Variants in PSTPIP2 observed in about 807,000 individuals in gnomAD.
The protein encoded by PSTPIP2 is proline-serine-threonine phosphatase-interacting protein 2.
PSTPIP2 carries 33 observed loss-of-function variants against 63.3 expected under a neutral mutation model. The ratio of observed to expected loss-of-function variants is 0.52; its 90% confidence interval spans 0.40 to 0.70. The LOEUF (loss-of-function observed/expected upper bound fraction) is 0.70, where lower values mean the gene tolerates loss of function less well. PSTPIP2 is among the 30% of genes least tolerant of loss of function. PSTPIP2 has a pLI of 0.00. For missense variants in PSTPIP2, 312 were observed against 400.7 expected (o/e 0.78, Z 1.89); for synonymous variants, 125 against 132.7 (o/e 0.94, Z 0.40).
At chr18:45,988,618 T>A in intron 14 of PSTPIP2, 84 bp downstream of exon 14, 1 of 1,185,878 alleles carries the variant, frequency 8.4e-7, no homozygotes, top group South Asian at 1.2e-5. Flanking sequence ...TTTGTGGTAG[T>A]GTTATAAATA....
intron 1 of PSTPIP2, among the ~76,000 whole-genome samples, chr18:46,049,530 C>A (rs1483374634): frequency 1.3e-5 from 2 of 151,704 alleles, no homozygotes; most frequent in African/African-American, 4.8e-5. Flanking sequence ...GAAAAAAGAG[C>A]AATAATATTT....
intron 1 of PSTPIP2, among the ~76,000 whole-genome samples, chr18:46,060,065 G>A (rs973134899): frequency 4.6e-5 from 7 of 152,026 alleles, no homozygotes; most frequent in East Asian, 1.9e-4. Context: ...ATGAGGTCTT[G>A]TTTTCCAAAT....
chr18:46,070,440 C>T (rs577061103), intron 1 of PSTPIP2, among the ~76,000 whole-genome samples: 5 of 152,358 alleles, frequency 3.3e-5, no homozygotes, highest in East Asian at 1.9e-4. Context: ...GCTTAGCGCC[C>T]GCCTGGCCTT....
At chr18:45,993,986 A>G in intron 9 of PSTPIP2, 2 of 386,424 alleles carry the variant, frequency 5.2e-6, no homozygotes, top group Non-Finnish European at 9.9e-6. Flanking sequence ...TCCTACCGAC[A>G]TTTCCAACTA....
At chr18:45,990,068 G>A (rs1001806357) in intron 13 of PSTPIP2, 1 of 152,196 alleles carries the variant, frequency 6.6e-6, no homozygotes, top group Non-Finnish European at 1.5e-5. Context: ...TAAGTGACAC[G>A]TTTCTTGACA....
intron 1 of PSTPIP2, among the ~76,000 whole-genome samples, chr18:46,058,616 C>G (rs892960617): frequency 6.6e-6 from 1 of 152,164 alleles, no homozygotes; most frequent in East Asian, 1.9e-4. Context: ...ACCTTGGCCT[C>G]CCAAAATGCT....
At chr18:45,990,153 C>T (rs2051511208) in intron 13 of PSTPIP2, among the ~76,000 whole-genome samples, 1 of 152,110 alleles carries the variant, frequency 6.6e-6, no homozygotes, top group South Asian at 2.1e-4. Flanking sequence ...TCTCACAGTC[C>T]AAGTTGAAAT....
At chr18:46,035,279 G>A (rs554526256) in intron 2 of PSTPIP2, among the ~76,000 whole-genome samples, 2 of 152,052 alleles carry the variant, frequency 1.3e-5, no homozygotes, top group East Asian at 3.9e-4. Context: ...AAATTAGCTG[G>A]GGTGGTGGTA....
At chr18:46,005,438 A>G in intron 6 of PSTPIP2, 31 bp downstream of exon 6, 1 of 1,527,598 alleles carries the variant, frequency 6.5e-7, no homozygotes, top group Non-Finnish European at 9.0e-7. Flanking sequence ...TGTCACCATT[A>G]TCCCAAAAAA....
At chr18:46,032,754 C>CAAAAA (rs762015034) in intron 2 of PSTPIP2, among the ~76,000 whole-genome samples, 36 of 50,166 alleles carry the variant, frequency 7.2e-4, no homozygotes, top group African/African-American at 1.8e-3. Context: ...AACTCTGTGT[C>CAAAAA]AAAAAAAAAA....
chr18:46,027,795 AAT>A (rs1907636979), intron 2 of PSTPIP2, among the ~76,000 whole-genome samples: 1 of 152,264 alleles, frequency 6.6e-6, no homozygotes, highest in Admixed American at 6.5e-5. Flanking sequence ...AAATTGAAAT[AAT>A]AGTCTCTTTA....
chr18:46,059,073 G>A (rs1335228269), intron 1 of PSTPIP2, among the ~76,000 whole-genome samples: 2 of 146,866 alleles, frequency 1.4e-5, no homozygotes, highest in Non-Finnish European at 3.0e-5. Flanking sequence ...GTCTCCCTCT[G>A]TCGCCCAGGC....
chr18:46,005,143 A>T (rs2051711233), intron 6 of PSTPIP2, among the ~76,000 whole-genome samples: 1 of 152,162 alleles, frequency 6.6e-6, no homozygotes, highest in South Asian at 2.1e-4. Context: ...CTCACTTATA[A>T]GTGGGAGCTA....
At chr18:46,018,493 C>T (rs1017530770) in intron 3 of PSTPIP2, among the ~76,000 whole-genome samples, 4 of 151,970 alleles carry the variant, frequency 2.6e-5, no homozygotes, top group Admixed American at 6.6e-5. Context: ...CTCAGCCTCC[C>T]GAGTAGCTGG....
At chr18:46,035,419 TA>T (rs35711872) in intron 2 of PSTPIP2, among the ~76,000 whole-genome samples, 1,571 of 31,820 alleles carry the variant, frequency 0.049, 30 homozygotes, top group African/African-American at 0.08. Context: ...GACTCTGTCT[TA>T]AAAAAAAAAA....
intron 3 of PSTPIP2, among the ~76,000 whole-genome samples, chr18:46,016,474 T>C (rs905945897): frequency 6.6e-6 from 1 of 152,240 alleles, no homozygotes; most frequent in Non-Finnish European, 1.5e-5. Flanking sequence ...ATTCATTTAG[T>C]CAATAATCAT....
At chr18:46,013,479 C>T (rs925263221) in intron 4 of PSTPIP2, among the ~76,000 whole-genome samples, 3 of 151,930 alleles carry the variant, frequency 2.0e-5, no homozygotes, top group Non-Finnish European at 4.4e-5. Context: ...GAGTAACAGG[C>T]CTGAAGAATA....
chr18:46,021,699 A>C (rs1195158727), intron 3 of PSTPIP2, among the ~76,000 whole-genome samples: 15 of 151,702 alleles, frequency 9.9e-5, no homozygotes, highest in Non-Finnish European at 7.4e-5. Flanking sequence ...TAATCCCAGC[A>C]CTTTGGGAGG....
At chr18:46,032,329 G>A (rs1385190703) in intron 2 of PSTPIP2, among the ~76,000 whole-genome samples, 1 of 152,118 alleles carries the variant, frequency 6.6e-6, no homozygotes, top group African/African-American at 2.4e-5. Context: ...AACAGAAGAG[G>A]CAATACCACA....
Sources: allele counts gnomAD v4.1 joint callset (sites outside exome capture counted in the v4.1 genomes callset), GRCh38; gene constraint gnomAD v4.1.1; transcripts MANE v1.5; gene names NCBI Gene and HGNC (gene_info 2026-07-23, HGNC 2026-07-21).